PRCP: variants seen among roughly 807,000 people sequenced by gnomAD.
PRCP encodes prolylcarboxypeptidase, also known as lysosomal Pro-X carboxypeptidase.
PRCP carries 46 observed loss-of-function variants against 54.2 expected under a neutral mutation model. The ratio of observed to expected loss-of-function variants is 0.85; its 90% CI spans 0.67 to 1.09. The LOEUF is 1.09. Among genes scored for constraint, PRCP ranks in the 50% least tolerant of loss-of-function variants. PRCP has a pLI of 0.00. For synonymous variants in PRCP, 240 were observed against 212.2 expected (o/e 1.13, Z -1.14); for missense variants, 613 against 596.8 (o/e 1.03, Z -0.28).
At chr11:82,863,085 A>G (rs11233349) in intron 1 of PRCP, among the ~76,000 whole-genome samples, 55,583 of 151,786 alleles carry the variant, frequency 0.37, 10,614 homozygotes, top group African/African-American at 0.47. Flanking sequence ...GCTTCACCTG[A>G]GAACTTGCTG....
intron 6 of PRCP, chr11:82,840,221 T>C (rs1858628767): frequency 6.6e-6 from 1 of 152,076 alleles, no homozygotes; most frequent in Non-Finnish European, 1.5e-5. Flanking sequence ...CAGACAATAT[T>C]CAGGGTTAGG....
intron 8 of PRCP, among the ~76,000 whole-genome samples, chr11:82,832,224 A>G (rs762190661): frequency 6.6e-6 from 1 of 152,192 alleles, no homozygotes; most frequent in Non-Finnish European, 1.5e-5. Context: ...CTTTGAATAT[A>G]TACCTAGGAA....
At chr11:82,858,335 A>T (rs1859136705) in intron 2 of PRCP, 2 of 152,220 alleles carry the variant, frequency 1.3e-5, no homozygotes, top group South Asian at 2.1e-4. Context: ...TGTCTATCTG[A>T]CTGAAGCCTT....
At chr11:82,899,175 T>C (rs919606323) in intron 1 of PRCP, among the ~76,000 whole-genome samples, 6 of 152,154 alleles carry the variant, frequency 3.9e-5, no homozygotes, top group Admixed American at 3.3e-4. Flanking sequence ...CTGGGCAACA[T>C]AGTGAGCCTT....
intron 8 of PRCP, chr11:82,830,097 C>T (rs533378715): frequency 6.6e-6 from 1 of 152,008 alleles, no homozygotes; most frequent in East Asian, 1.9e-4. Context: ...AAAGATAGTA[C>T]CCTTCTCTCA....
intron 6 of PRCP, among the ~76,000 whole-genome samples, chr11:82,841,071 A>G (rs879832123): frequency 5.2e-5 from 5 of 97,034 alleles, no homozygotes; most frequent in Non-Finnish European, 9.8e-5. Flanking sequence ...AGTCCTGACA[A>G]AAAAAAGACT....
chr11:82,900,064 T>A, intron 1 of PRCP, 171 bp downstream of exon 1: 1 of 832,776 alleles, frequency 1.2e-6, no homozygotes, highest in South Asian at 1.8e-5. Context: ...AGGAGAAAAT[T>A]TAAACAGAAC....
chr11:82,860,040 A>T lies in PRCP; in HGVS notation c.246T>A (p.Asn82Lys), dbSNP rs1358835096. The T allele has an allele frequency of 1.1e-5, 17 of 1,592,016 alleles. No homozygotes were observed. In the East Asian group the frequency reaches 3.9e-4, roughly 37 times the overall value. ...CAGTGTAGAAAAGTATTGATCCACCATTTTTCTTCCAGTATTTATCAGCTA... is the reference window on the plus strand; with the variant it reads ...CAGTGTAGAAAAGTATTGATCCACCTTTTTTCTTCCAGTATTTATCAGCTA... ...YLVADKYWKK[N>K]GGSILFYTGN... The change falls in exon 2 of 9, where the codon AAT becomes AAA. Residue 82 changes from asparagine (N) to lysine (K), a missense_variant. By Grantham distance (94) the Asn-to-Lys change is moderately conservative. Coordinates refer to ENST00000313010, the MANE Select transcript of PRCP (RefSeq NM_005040.4).
At chr11:82,838,010 A>G (rs1313629319) in intron 8 of PRCP, among the ~76,000 whole-genome samples, 1 of 152,234 alleles carries the variant, frequency 6.6e-6, no homozygotes, top group Non-Finnish European at 1.5e-5. Context: ...CTCATTTAGT[A>G]CTTGGAACAG....
In PRCP at chr11:82,878,655, A is replaced by G. The variant is rs192237424; in HGVS notation, c.169-18538T>C. ...CTAGCACTGAGGGTCTTTATAATTC[A>G]GCATGTTTTTGCAGTGGCTAGTACC... is the stretch of plus-strand genomic sequence containing the variant. On this transcript the variant is annotated intron_variant, in intron 1 of 8. Coordinates refer to ENST00000313010, the MANE Select transcript of PRCP (RefSeq NM_005040.4). Among the ~76,000 whole-genome samples, 17 of 152,314 alleles carry G rather than the reference A, an allele frequency of 1.1e-4. No individual in the cohort carries two copies. The East Asian group carries it at 3.1e-3, about 28-fold the overall frequency.
At chr11:82,866,745 G>A (rs1376895098) in intron 1 of PRCP, among the ~76,000 whole-genome samples, 3 of 150,188 alleles carry the variant, frequency 2.0e-5, no homozygotes, top group East Asian at 1.9e-4. Flanking sequence ...TTTTTGAGCC[G>A]GAGTCTTGCT....
At chr11:82,843,597 C>T (rs567746621) in intron 6 of PRCP, among the ~76,000 whole-genome samples, 1 of 152,346 alleles carries the variant, frequency 6.6e-6, no homozygotes, top group South Asian at 2.1e-4. Flanking sequence ...GTCCAAAATA[C>T]TCAACACCCA....
At chr11:82,831,351 T>C (rs1858377363) in intron 8 of PRCP, 1 of 152,248 alleles carries the variant, frequency 6.6e-6, no homozygotes, top group Admixed American at 6.5e-5. Flanking sequence ...AAATGTTTAC[T>C]GATTGCCTAT....
chr11:82,872,234 G>A (rs754407614), intron 1 of PRCP, among the ~76,000 whole-genome samples: 7 of 152,118 alleles, frequency 4.6e-5, no homozygotes, highest in East Asian at 1.9e-4. Context: ...CGTATCCCCC[G>A]CGAAGAAGGG....
chr11:82,848,534 A>G (rs181909718), intron 6 of PRCP, among the ~76,000 whole-genome samples: 10 of 152,292 alleles, frequency 6.6e-5, no homozygotes, highest in Non-Finnish European at 1.5e-4. Flanking sequence ...CACTTTCAGA[A>G]TCTAATTTGA....
At chr11:82,834,893 G>A (rs1298127162) in intron 8 of PRCP, among the ~76,000 whole-genome samples, 1 of 152,184 alleles carries the variant, frequency 6.6e-6, no homozygotes, top group Non-Finnish European at 1.5e-5. Flanking sequence ...TGGCCAGCGT[G>A]GTGAAACCCC....
At chr11:82,875,967 T>A (rs1238456186) in intron 1 of PRCP, among the ~76,000 whole-genome samples, 1 of 152,198 alleles carries the variant, frequency 6.6e-6, no homozygotes, top group African/African-American at 2.4e-5. Context: ...TCCTCCTGCC[T>A]GGAATGCATT....
intron 1 of PRCP, among the ~76,000 whole-genome samples, chr11:82,894,808 T>C (rs1260150217): frequency 1.3e-5 from 2 of 152,232 alleles, no homozygotes; most frequent in Non-Finnish European, 2.9e-5. Flanking sequence ...AGATTTACTA[T>C]TGTTATCAAG....
At chr11:82,876,882 A>C (rs1859615891) in intron 1 of PRCP, among the ~76,000 whole-genome samples, 1 of 152,192 alleles carries the variant, frequency 6.6e-6, no homozygotes, top group Non-Finnish European at 1.5e-5. Context: ...TTGGAACTGG[A>C]TAACAGGCAG....
Sources: allele counts gnomAD v4.1 joint callset (sites outside exome capture counted in the v4.1 genomes callset), GRCh38; gene constraint gnomAD v4.1.1; transcripts MANE v1.5; gene names NCBI Gene and HGNC (gene_info 2026-07-23, HGNC 2026-07-21).